Variants in CNTNAP2 observed in about 807,000 individuals in gnomAD.
CNTNAP2 encodes contactin-associated protein-like 2.
A neutral mutation model predicts 155.2 loss-of-function variants in CNTNAP2; 98 were observed. That is an observed-to-expected ratio of 0.63 (90% CI 0.54 to 0.75). The LOEUF is 0.75. Ranked by LOEUF, CNTNAP2 falls within the 30% of genes least tolerant of loss-of-function variation. CNTNAP2 has a pLI of 0.00. For synonymous variants in CNTNAP2, 651 were observed against 631.2 expected (o/e 1.03, Z -0.47); for missense variants, 1,727 against 1,688.1 (o/e 1.02, Z -0.40).
intron 9 of CNTNAP2, among the ~76,000 whole-genome samples, chr7:147,352,484 G>A (rs370418191): frequency 6.6e-6 from 1 of 151,900 alleles, no homozygotes; most frequent in African/African-American, 2.4e-5. Flanking sequence ...CATTTCACCT[G>A]TTTTGAAGTC....
chr7:146,358,512 C>A (rs1209354062), intron 1 of CNTNAP2, among the ~76,000 whole-genome samples: 1 of 152,140 alleles, frequency 6.6e-6, no homozygotes, highest in Non-Finnish European at 1.5e-5. Flanking sequence ...ACTTAATTTT[C>A]TTTCACTCAA....
intron 21 of CNTNAP2, among the ~76,000 whole-genome samples, chr7:148,315,569 G>T (rs1388800228): frequency 6.6e-6 from 1 of 152,198 alleles, no homozygotes; most frequent in Non-Finnish European, 1.5e-5. Context: ...ATGTGTACAT[G>T]CAGGTCACAG....
chr7:146,925,583 G>C (rs1410091753), intron 3 of CNTNAP2, among the ~76,000 whole-genome samples: 4 of 152,014 alleles, frequency 2.6e-5, no homozygotes, highest in African/African-American at 9.7e-5. Context: ...AGTGAGGGAG[G>C]AAGATCCAGT....
At chr7:147,294,016 T>C (rs1276377947) in intron 8 of CNTNAP2, among the ~76,000 whole-genome samples, 4 of 152,184 alleles carry the variant, frequency 2.6e-5, no homozygotes, top group African/African-American at 4.8e-5. Context: ...GTTGAAACAC[T>C]TTTATCATTA....
intron 3 of CNTNAP2, among the ~76,000 whole-genome samples, chr7:146,871,160 G>C (rs1308930164): frequency 6.6e-6 from 1 of 152,146 alleles, no homozygotes; most frequent in Non-Finnish European, 1.5e-5. Flanking sequence ...GGCAACTTAT[G>C]CTTGAAAATA....
chr7:146,328,511 C>T (rs1335343180), intron 1 of CNTNAP2, among the ~76,000 whole-genome samples: 1 of 137,682 alleles, frequency 7.3e-6, no homozygotes, highest in Non-Finnish European at 1.6e-5. Context: ...ATTCACTTAG[C>T]GACCTGTGTG....
At chr7:147,985,356 T>C (rs868452147) in intron 15 of CNTNAP2, among the ~76,000 whole-genome samples, 14 of 151,542 alleles carry the variant, frequency 9.2e-5, no homozygotes, top group African/African-American at 2.9e-4. Context: ...AATCAATATG[T>C]ATGCCTTTTC....
At chr7:148,122,585 A>G (rs893786912) in intron 16 of CNTNAP2, among the ~76,000 whole-genome samples, 8 of 152,164 alleles carry the variant, frequency 5.3e-5, no homozygotes, top group South Asian at 4.1e-4. Context: ...TGAGCACCCA[A>G]TGCACTCTGC....
At chr7:146,248,651 A>G (rs1432744130) in intron 1 of CNTNAP2, among the ~76,000 whole-genome samples, 3 of 152,164 alleles carry the variant, frequency 2.0e-5, no homozygotes, top group East Asian at 3.9e-4. Context: ...AGAAGAGAGT[A>G]AAAAGGGGCT....
At chr7:147,121,483 A>G (rs973652595) in intron 6 of CNTNAP2, 1 of 294,134 alleles carries the variant, frequency 3.4e-6, no homozygotes, top group African/African-American at 2.2e-5. Flanking sequence ...CATGTTATCA[A>G]TTCTTCTTGA....
rs1357424097 is a variant in CNTNAP2 at position 148,376,764 on chromosome 7, G to A, written c.3476-6885G>A. Among the ~76,000 whole-genome samples the A allele has an allele frequency of 5.9e-5, 4 of 67,372 alleles. 2 individuals are homozygous for A. The highest frequency in any genetic ancestry group is 8.3e-5 in the Non-Finnish European group (2 of 24,018). The allele number at this position is 67,372 out of a possible 152,430, so 44.2% of individuals were successfully genotyped here. A position where few individuals can be genotyped will look rare whatever the true frequency, so the allele number is the denominator to read the frequency against. On this transcript the variant is annotated intron_variant, in intron 21 of 23. Coordinates refer to ENST00000361727, the MANE Select transcript of CNTNAP2 (RefSeq NM_014141.6). Reference sequence around the variant, plus strand: ...GAATAAAATGTCACAGTACCTAATCGTATACATCAATTATGGATCCAGATT... The same window carrying A: ...GAATAAAATGTCACAGTACCTAATCATATACATCAATTATGGATCCAGATT...
chr7:147,293,556 A>G (rs573579818), intron 8 of CNTNAP2, among the ~76,000 whole-genome samples: 18 of 152,154 alleles, frequency 1.2e-4, no homozygotes, highest in African/African-American at 4.1e-4. Flanking sequence ...TGCTCTCAAG[A>G]TTGAATATTG....
At chr7:146,644,248 T>C (rs1799769301) in intron 1 of CNTNAP2, among the ~76,000 whole-genome samples, 1 of 152,200 alleles carries the variant, frequency 6.6e-6, no homozygotes, top group African/African-American at 2.4e-5. Flanking sequence ...TCAAAGGGAA[T>C]GCTTCCAGTT....
At chr7:147,246,676 A>G (rs1804078162) in intron 8 of CNTNAP2, among the ~76,000 whole-genome samples, 2 of 152,164 alleles carry the variant, frequency 1.3e-5, no homozygotes. Context: ...TTTTAGAGGT[A>G]CGCAAACATT....
At chr7:147,648,891 C>G (rs10263983) in intron 13 of CNTNAP2, among the ~76,000 whole-genome samples, 40,474 of 152,074 alleles carry the variant, frequency 0.27, 5,914 homozygotes, top group African/African-American at 0.36. Flanking sequence ...ACTGAAGAAA[C>G]TGTGAACATG....
intron 14 of CNTNAP2, among the ~76,000 whole-genome samples, chr7:147,938,069 G>C (rs1800647018): frequency 6.6e-6 from 1 of 152,132 alleles, no homozygotes; most frequent in Non-Finnish European, 1.5e-5. Context: ...TCATCTTATA[G>C]CTTTAAATTG....
At chr7:146,453,157 C>G (rs964182472) in intron 1 of CNTNAP2, among the ~76,000 whole-genome samples, 3 of 152,180 alleles carry the variant, frequency 2.0e-5, no homozygotes, top group Non-Finnish European at 2.9e-5. Context: ...TAAGAAGAAA[C>G]CCTCCGGAAT....
At position 147,639,207 on chromosome 7, in the gene CNTNAP2, G is replaced by A. The variant is rs374920791; in HGVS notation, c.1999G>A (p.Ala667Thr). Residue 667 changes from alanine (A) to threonine (T), a missense_variant, in exon 13 of 24, where the codon GCC (alanine) becomes ACC (threonine). Physicochemically the swap from Ala to Thr is moderately conservative, Grantham distance 58. Transcript: ENST00000361727. ...CTCAGTGACACAGCTCGTTTACAGC[G>A]CCTCCATGGACCAGATAAGTGCCAT... is the stretch of plus-strand genomic sequence containing the variant. Reference protein sequence around the residue: ...KYSVTQLVYSASMDQISAITD... With the variant: ...KYSVTQLVYSTSMDQISAITD... The A allele has an allele frequency of 1.2e-5, 20 of 1,613,972 alleles. No individual in the cohort carries two copies. The highest frequency in any genetic ancestry group is 5.0e-5 in the Admixed American group (3 of 59,986).
At chr7:146,303,375 G>A (rs547737716) in intron 1 of CNTNAP2, among the ~76,000 whole-genome samples, 2 of 139,106 alleles carry the variant, frequency 1.4e-5, no homozygotes, top group Admixed American at 7.3e-5. Flanking sequence ...TTATTTTAAA[G>A]TAAATACAAA....
Sources: gnomAD v4.1 joint callset for allele counts (sites outside exome capture counted in the v4.1 genomes callset) on GRCh38, gnomAD v4.1.1 for gene constraint, MANE v1.5 for transcripts, NCBI Gene and HGNC (gene_info 2026-07-23, HGNC 2026-07-21) for gene names.